Variants in CREG1 observed in about 807,000 individuals in gnomAD.
CREG1 encodes the protein protein CREG1.
CREG1 carries 20 observed loss-of-function variants against 19.9 expected under a neutral mutation model. The ratio of observed to expected loss-of-function variants is 1.01; its 90% CI spans 0.71 to 1.46. CREG1 has a LOEUF of 1.46. Among genes scored for constraint, CREG1 ranks in the 40% most tolerant of loss-of-function variants. The probability of loss-of-function intolerance (pLI) is 0.00; values close to 1 mark genes in which losing one functional copy is unlikely to be tolerated. For missense variants in CREG1, 290 were observed against 314.9 expected (o/e 0.92, Z 0.60); for synonymous variants, 141 against 143.3 (o/e 0.98, Z 0.12).
At position 167,553,517 on chromosome 1, in the gene CREG1, G is replaced by C. The variant is rs543544332; in HGVS notation, c.225C>G (p.Ser75=). The C allele has an allele frequency of 1.3e-6, 2 of 1,489,302 alleles. No homozygotes were observed. Among genetic ancestry groups the C allele is most frequent in the Non-Finnish European group, 1.8e-6 (2 of 1,127,280 alleles). 92.3% of individuals were successfully genotyped at this position (1,489,302 alleles called of 1,614,324 possible). A position where few individuals can be genotyped will look rare whatever the true frequency, so the allele number is the denominator to read the frequency against. Residue 75 remains serine (S), a synonymous_variant, in exon 1 of 4, where the codon TCC becomes TCG. Transcript: ENST00000370509. ...VSDWGALATI[S]TLEAVRGRPF... is the part of the protein sequence containing the mutation. ...GCCGGCCGCGCACCGCCTCCAGCGT[G>C]GAGATGGTGGCCAGAGCGCCCCAGT... is the stretch of plus-strand genomic sequence containing the variant.
intron 1 of CREG1, 147 bp from the exon 2 acceptor site, chr1:167,548,268 G>T: frequency 5.2e-6 from 3 of 579,364 alleles, no homozygotes; most frequent in Non-Finnish European, 8.8e-6. Context: ...CCACTCAGGG[G>T]AAAATAATAC....
chr1:167,552,444 C>CTT (rs1656436622), intron 1 of CREG1, among the ~76,000 whole-genome samples: 1 of 152,216 alleles, frequency 6.6e-6, no homozygotes, highest in Admixed American at 6.5e-5. Context: ...AGCTGGGTGT[C>CTT]TGTGACCCCA....
chr1:167,545,977 A>G (rs544732191), intron 3 of CREG1, 124 bp downstream of exon 3: 56 of 578,946 alleles, frequency 9.7e-5, no homozygotes, highest in Non-Finnish European at 1.6e-4. Flanking sequence ...AGAAGGGGTC[A>G]GCGGCTTTAC....
chr1:167,545,022 C>T (rs1056113067), intron 3 of CREG1, among the ~76,000 whole-genome samples: 1 of 152,178 alleles, frequency 6.6e-6, no homozygotes, highest in African/African-American at 2.4e-5. Flanking sequence ...GTCTTCAGGT[C>T]CTGGGCTTTA....
Position 167,553,653 on chromosome 1 carries a change from C to T in CREG1, c.89G>A (p.Arg30Gln), listed in dbSNP as rs1004417315. The T allele has an allele frequency of 1.6e-4, 220 of 1,338,432 alleles. No homozygotes were observed. Among genetic ancestry groups the T allele is most frequent in the African/African-American group, 1.2e-3 (79 of 65,082 alleles). The allele number at this position is 1,338,432 out of a possible 1,614,324, so 82.9% of individuals were successfully genotyped here. ...CCCGTGGTCCCGGCCGCCGCGACCC[C>T]GCGCGGGCGACACGAGCAGCGCCAA... ...TLLALLVSPA[R>Q]GRGGRDHGDW... Residue 30 changes from arginine to glutamine, a missense_variant, in exon 1 of 4, where the codon CGG becomes CAG. Transcript: ENST00000370509.
At position 167,553,415 on chromosome 1, in the gene CREG1, C is replaced by A. The variant is rs1313396415; in HGVS notation, c.327G>T (p.Pro109=). Residue 109 remains proline, a synonymous_variant, in exon 1 of 4, where the codon CCG becomes CCT. Coordinates refer to ENST00000370509, the MANE Select transcript of CREG1 (RefSeq NM_003851.3). ...GCAGGTTGCTCACGGAGAGCTGCAG[C>A]GGGCTCAGGTAGAAATAGGGCACGC... ...GSGVPYFYLS[P]LQLSVSNLQE... The A allele has an allele frequency of 2.1e-6, 3 of 1,453,132 alleles. No individual in the cohort carries two copies. Among genetic ancestry groups the A allele is most frequent in the Admixed American group, 2.6e-5 (1 of 38,914 alleles). The allele number at this position is 1,453,132 out of a possible 1,614,324, so 90.0% of individuals were successfully genotyped here.
chr1:167,547,165 G>C (rs1267383627), intron 2 of CREG1, among the ~76,000 whole-genome samples: 1 of 152,236 alleles, frequency 6.6e-6, no homozygotes, highest in Non-Finnish European at 1.5e-5. Flanking sequence ...TGGGTAATCA[G>C]ATCAGCACTC....
intron 1 of CREG1, among the ~76,000 whole-genome samples, chr1:167,549,286 G>C (rs1259117508): frequency 6.6e-6 from 1 of 152,128 alleles, no homozygotes; most frequent in Admixed American, 6.5e-5. Context: ...CTTAGGCACT[G>C]TTTTCTAAGA....
At chr1:167,550,463 CT>C (rs1334862579) in intron 1 of CREG1, among the ~76,000 whole-genome samples, 1 of 151,942 alleles carries the variant, frequency 6.6e-6, no homozygotes, top group Non-Finnish European at 1.5e-5. Flanking sequence ...TGTTCTAGTA[CT>C]TTTAGGCATG....
intron 1 of CREG1, among the ~76,000 whole-genome samples, chr1:167,551,538 C>A (rs1376689887): frequency 1.3e-5 from 2 of 152,160 alleles, no homozygotes; most frequent in East Asian, 3.9e-4. Flanking sequence ...TAAGTCCCTG[C>A]ACCTCTGAGT....
intron 1 of CREG1, among the ~76,000 whole-genome samples, chr1:167,549,424 A>C (rs1050680515): frequency 2.7e-5 from 4 of 150,334 alleles, no homozygotes; most frequent in South Asian, 2.1e-4. Flanking sequence ...TTGCTCTGTC[A>C]CCCAGGCTGG....
At chr1:167,546,497 C>T (rs568877521) in intron 2 of CREG1, among the ~76,000 whole-genome samples, 21 of 152,068 alleles carry the variant, frequency 1.4e-4, no homozygotes, top group Non-Finnish European at 2.5e-4. Flanking sequence ...AAAAAATTAG[C>T]CAGATGTGGT....
intron 3 of CREG1, among the ~76,000 whole-genome samples, chr1:167,543,469 A>G (rs1453669146): frequency 6.6e-6 from 1 of 151,030 alleles, no homozygotes; most frequent in East Asian, 1.9e-4. Flanking sequence ...ATTTGGAGGA[A>G]TAATACCTTC....
At chr1:167,548,644 A>G (rs1413349276) in intron 1 of CREG1, among the ~76,000 whole-genome samples, 1 of 152,248 alleles carries the variant, frequency 6.6e-6, no homozygotes, top group East Asian at 1.9e-4. Context: ...AGTAACAATG[A>G]GTTTTATCCC....
Position 167,553,563 on chromosome 1 carries a change from CG to C in CREG1, c.178del (p.Arg60AlafsTer3). On this transcript the variant is annotated frameshift_variant, in exon 1 of 4. Transcript: ENST00000370509. LOFTEE classifies it high-confidence loss of function. ...PPREDAARVA[R>X]FVTHVSDWGA... is the part of the protein sequence containing the mutation. ...CCAGTCGGAGACGTGCGTCACGAAGCGGGCCACGCGCGCCGCGTCCTCGCGG... is the reference window on the plus strand; with the variant it reads ...CCAGTCGGAGACGTGCGTCACGAAGCGGCCACGCGCGCCGCGTCCTCGCGG... 1.2e-5 allele frequency: 18 copies of C among 1,453,232 alleles called. No individual in the cohort carries two copies. The highest frequency in any genetic ancestry group is 1.6e-5 in the Non-Finnish European group (18 of 1,108,458). The allele number at this position is 1,453,232 out of a possible 1,614,324, so 90.0% of individuals were successfully genotyped here. A position where few individuals can be genotyped will look rare whatever the true frequency, so the allele number is the denominator to read the frequency against.
chr1:167,546,339 C>G, intron 2 of CREG1, 54 bp from the exon 3 acceptor site: 1 of 1,262,190 alleles, frequency 7.9e-7, no homozygotes, highest in Admixed American at 2.1e-5. Flanking sequence ...TTTATCTTCT[C>G]ATTTGTTAAG....
intron 1 of CREG1, among the ~76,000 whole-genome samples, chr1:167,551,743 C>A (rs1275579193): frequency 6.6e-6 from 1 of 152,156 alleles, no homozygotes; most frequent in African/African-American, 2.4e-5. Flanking sequence ...CTTGGCATCC[C>A]ATTTTTAAAG....
At position 167,553,631 on chromosome 1, in the gene CREG1, G is replaced by A. The variant is rs1023828769; in HGVS notation, c.111C>T (p.His37=). 2 of 1,362,638 alleles carry A rather than the reference G, an allele frequency of 1.5e-6. No homozygotes were observed. The highest frequency in any genetic ancestry group is 1.9e-6 in the Non-Finnish European group (2 of 1,062,518). 84.4% of individuals were successfully genotyped at this position (1,362,638 alleles called of 1,614,324 possible). A position where few individuals can be genotyped will look rare whatever the true frequency, so the allele number is the denominator to read the frequency against. ...SPARGRGGRD[H]GDWDEASRLP... is the part of the protein sequence containing the mutation. ...GCCGGGAGGCCTCGTCCCAGTCCCC[G>A]TGGTCCCGGCCGCCGCGACCCCGCG... The change falls in exon 1 of 4, where the codon CAC becomes CAT. Residue 37 remains histidine (H), a synonymous_variant. Coordinates refer to ENST00000370509, the MANE Select transcript of CREG1 (RefSeq NM_003851.3).
rs185380115 is a variant in CREG1, at chr1:167,553,142, G to A, written c.354+246C>T. ...AACCACTCACGGATGAGAAGTCCTC[G>A]GGCTGCTGGCAGAGAATTTACCCCA... On this transcript the variant is annotated intron_variant, in intron 1 of 3. Transcript: ENST00000370509. Among the ~76,000 whole-genome samples the A allele has an allele frequency of 2.0e-5, 3 of 152,216 alleles. No homozygotes were observed. In the East Asian group the frequency reaches 5.8e-4, roughly 29 times the overall value.
Sources: allele counts gnomAD v4.1 joint callset (sites outside exome capture counted in the v4.1 genomes callset), GRCh38; gene constraint gnomAD v4.1.1; transcripts MANE v1.5; gene names NCBI Gene and HGNC (gene_info 2026-07-23, HGNC 2026-07-21).